The following BBS7 variants were observed in gnomAD, a reference collection of about 807,000 sequenced individuals.
BBS7 encodes Bardet-Biedl syndrome 7.
A neutral mutation model predicts 90.3 loss-of-function variants in BBS7; 50 were observed. The observed-to-expected ratio is 0.55, with a 90% CI of 0.44 to 0.70. The LOEUF is 0.70. Among genes scored for constraint, BBS7 ranks in the 30% least tolerant of loss-of-function variants. BBS7 has a pLI of 0.00. For synonymous variants in BBS7, 235 were observed against 287.4 expected (o/e 0.82, Z 1.85); for missense variants, 729 against 838.9 (o/e 0.87, Z 1.62).
At chr4:121,844,447 A>C (rs1391240392) in intron 11 of BBS7, among the ~76,000 whole-genome samples, 1 of 152,130 alleles carries the variant, frequency 6.6e-6, no homozygotes, top group African/African-American at 2.4e-5. Flanking sequence ...AAGCTGTTGC[A>C]CTGTCCTATG....
intron 18 of BBS7, among the ~76,000 whole-genome samples, chr4:121,827,192 A>C (rs908119536): frequency 6.6e-6 from 1 of 152,200 alleles, no homozygotes; most frequent in African/African-American, 2.4e-5. Context: ...GATAAAAGAG[A>C]TCATGTGCTT....
intron 15 of BBS7, among the ~76,000 whole-genome samples, chr4:121,831,646 T>G (rs2149052147): frequency 6.6e-6 from 1 of 152,262 alleles, no homozygotes; most frequent in African/African-American, 2.4e-5. Flanking sequence ...TTGTGGTACT[T>G]CAAAATGGGA....
intron 6 of BBS7, 30 bp from the exon 7 acceptor site, chr4:121,854,850 T>C: frequency 6.3e-7 from 1 of 1,577,080 alleles, no homozygotes; most frequent in Non-Finnish European, 8.7e-7. Flanking sequence ...ACATATTATA[T>C]TTATCCTACA....
intron 13 of BBS7, among the ~76,000 whole-genome samples, chr4:121,837,672 T>G (rs889689436): frequency 1.3e-5 from 2 of 152,206 alleles, no homozygotes; most frequent in Non-Finnish European, 2.9e-5. Context: ...ATTATTTTTA[T>G]TATGGTAGTT....
chr4:121,837,080 C>T (rs1560645295), intron 13 of BBS7, among the ~76,000 whole-genome samples: 1 of 152,080 alleles, frequency 6.6e-6, no homozygotes, highest in African/African-American at 2.4e-5. Flanking sequence ...ATGCCTCGGC[C>T]TCCCAAGTAG....
At position 121,835,164 on chromosome 4, in the gene BBS7, A is replaced by C. The variant is rs764809857; in HGVS notation, c.1491T>G (p.Thr497=). 1 of 1,613,898 alleles carries C rather than the reference A, an allele frequency of 6.2e-7. No individual in the cohort carries two copies. Among genetic ancestry groups the C allele is most frequent in the Admixed American group, 1.7e-5 (1 of 60,008 alleles). The change falls in exon 14 of 19, where the codon ACT becomes ACG. Residue 497 remains threonine (T), a synonymous_variant. Transcript: ENST00000264499. Reference sequence around the variant, plus strand: ...CCTACCTGTCATGATCAATAAAGTGAGTTCTTTGATGGAGTGAAAGAGGTT... The same window carrying C: ...CCTACCTGTCATGATCAATAAAGTGCGTTCTTTGATGGAGTGAAAGAGGTT... ...HIKPLSLHQR[T]HFIDHDRPMN...
chr4:121,846,632 A>G (rs1018525578), intron 10 of BBS7, among the ~76,000 whole-genome samples: 1 of 152,230 alleles, frequency 6.6e-6, no homozygotes, highest in African/African-American at 2.4e-5. Flanking sequence ...TCCTTGTTGC[A>G]TGAAGTAGGA....
intron 4 of BBS7, 73 bp downstream of exon 4, chr4:121,861,431 C>T: frequency 7.3e-7 from 1 of 1,374,426 alleles, no homozygotes; most frequent in Non-Finnish European, 1.0e-6. Flanking sequence ...AGATATGATA[C>T]TTAGTTGCCT....
chr4:121,848,831 T>A lies in BBS7; in HGVS notation c.934+13A>T, dbSNP rs778830624. ...TGACTCTTTCTTCAATTACCTATTA[T>A]CATTTACTTTACCTGAATATGTGGA... On this transcript the variant is annotated intron_variant, in intron 9 of 18. Transcript: ENST00000264499. 1.2e-6 allele frequency: 2 copies of A among 1,604,554 alleles called. No individual in the cohort carries two copies. Among genetic ancestry groups the A allele is most frequent in the Non-Finnish European group, 1.7e-6 (2 of 1,171,998 alleles).
intron 7 of BBS7, 80 bp downstream of exon 7, chr4:121,854,624 A>G (rs1051114546): frequency 1.1e-5 from 15 of 1,373,854 alleles, no homozygotes; most frequent in Non-Finnish European, 1.4e-5. Flanking sequence ...GTATAAATAG[A>G]TAAAATAGAA....
chr4:121,841,421 T>G (rs1240875991), intron 12 of BBS7, among the ~76,000 whole-genome samples: 1 of 152,164 alleles, frequency 6.6e-6, no homozygotes. Context: ...AAAAATTAGC[T>G]GGGCATCATG....
At chr4:121,838,540 C>G (rs1011062308) in intron 13 of BBS7, among the ~76,000 whole-genome samples, 2 of 151,936 alleles carry the variant, frequency 1.3e-5, no homozygotes, top group African/African-American at 4.8e-5. Flanking sequence ...CATTAAATTG[C>G]TAGAGAAAAC....
At chr4:121,864,384 T>C (rs1301902198) in intron 2 of BBS7, among the ~76,000 whole-genome samples, 1 of 152,184 alleles carries the variant, frequency 6.6e-6, no homozygotes. Context: ...GCACAGCAGA[T>C]TGAATGCAGT....
chr4:121,850,682 G>A (rs1358506427), intron 8 of BBS7, among the ~76,000 whole-genome samples: 1 of 152,096 alleles, frequency 6.6e-6, no homozygotes, highest in African/African-American at 2.4e-5. Flanking sequence ...AATTGGTTTT[G>A]ACTAGCAGTT....
chr4:121,863,257 C>T lies in BBS7; in HGVS notation c.125G>A (p.Gly42Glu), dbSNP rs1221499782. ...TQKVVIGDHD[G>E]VVMCFGMKKG... ...CTTCATGCCAAAGCACATAACTACC[C>T]CATCATGATCTCCAATAACCACCTG... The change falls in exon 3 of 19, where the codon GGG becomes GAG. Residue 42 changes from glycine to glutamate, a missense_variant. By Grantham distance (98) the Gly-to-Glu change is moderately conservative (BLOSUM62 -2). Coordinates refer to ENST00000264499, the MANE Select transcript of BBS7 (RefSeq NM_176824.3). The T allele has an allele frequency of 6.2e-7, 1 of 1,613,598 alleles. No homozygotes were observed. Among genetic ancestry groups the T allele is most frequent in the Non-Finnish European group, 8.5e-7 (1 of 1,179,794 alleles).
intron 13 of BBS7, among the ~76,000 whole-genome samples, chr4:121,837,416 T>G (rs188192064): frequency 1.9e-3 from 286 of 152,342 alleles, no homozygotes; most frequent in Middle Eastern, 3.4e-3. Context: ...AGTAGGTACT[T>G]AATTCATCTG....
chr4:121,833,434 A>T, intron 14 of BBS7, 39 bp from the exon 15 acceptor site: 1 of 1,581,220 alleles, frequency 6.3e-7, no homozygotes, highest in Non-Finnish European at 8.7e-7. Flanking sequence ...TATGTGTGGG[A>T]ATACATGAAA....
Position 121,852,996 on chromosome 4 carries a change from C to T in BBS7, c.809G>A (p.Ser270Asn), listed in dbSNP as rs1429722382. Reference sequence around the variant, plus strand: ...AACAGGTTCATTTGCATTATCAAAACTATACACTTCCACCATTCCGTCATC... The same window carrying T: ...AACAGGTTCATTTGCATTATCAAAATTATACACTTCCACCATTCCGTCATC... ...GRDDGMVEVY[S>N]FDNANEPVLR... Residue 270 changes from serine (S) to asparagine (N), a missense_variant, in exon 8 of 19, where the codon AGT (serine) becomes AAT (asparagine). Physicochemically the swap from Ser to Asn is conservative, Grantham distance 46. Coordinates refer to ENST00000264499, the MANE Select transcript of BBS7 (RefSeq NM_176824.3). The T allele has an allele frequency of 1.8e-5, 29 of 1,613,668 alleles. No individual in the cohort carries two copies. The highest frequency in any genetic ancestry group is 2.3e-5 in the Non-Finnish European group (27 of 1,179,830).
intron 4 of BBS7, among the ~76,000 whole-genome samples, chr4:121,860,755 C>T (rs556424635): frequency 1.4e-4 from 22 of 152,248 alleles, no homozygotes; most frequent in Middle Eastern, 3.4e-3. Context: ...ACATCCCAAA[C>T]ATCAGGAGAT....
Sources: allele counts gnomAD v4.1 joint callset (sites outside exome capture counted in the v4.1 genomes callset), GRCh38; gene constraint gnomAD v4.1.1; transcripts MANE v1.5; gene names NCBI Gene and HGNC (gene_info 2026-07-23, HGNC 2026-07-21).